STOX2: variants seen among roughly 807,000 people sequenced by gnomAD.
The protein encoded by STOX2 is storkhead-box protein 2.
In STOX2, 28 loss-of-function variants were observed where a neutral mutation model predicts 60.9. The observed-to-expected ratio is 0.46, with a 90% CI of 0.34 to 0.63. STOX2 has a LOEUF of 0.63. STOX2 is among the 30% of genes least tolerant of loss of function. The pLI is 0.01. For missense variants in STOX2, 1,024 were observed against 1,187.7 expected (o/e 0.86, Z 2.03); for synonymous variants, 472 against 463.9 (o/e 1.02, Z -0.22).
chr4:184,017,378 C>T lies in STOX2; in HGVS notation c.*94C>T. The T allele has an allele frequency of 7.9e-7, 1 of 1,269,940 alleles. No homozygotes were observed. Among genetic ancestry groups the T allele is most frequent in the African/African-American group, 1.5e-5 (1 of 65,968 alleles). 78.7% of individuals were successfully genotyped at this position (1,269,940 alleles called of 1,614,324 possible). A position where few individuals can be genotyped will look rare whatever the true frequency, so the allele number is the denominator to read the frequency against. ...TACATCTTTGGAAAGACAAGCATCT[C>T]AACCACAGTTTTTGTGTTTACTTAA... On this transcript the variant is annotated 3_prime_UTR_variant, in exon 4 of 4. Transcript: ENST00000308497.
At position 184,010,892 on chromosome 4, in the gene STOX2, G is replaced by A; in HGVS notation, c.2054G>A (p.Gly685Asp). 1 of 1,612,804 alleles carries A rather than the reference G, an allele frequency of 6.2e-7. No homozygotes were observed. The highest frequency in any genetic ancestry group is 1.1e-5 in the South Asian group (1 of 90,846). Residue 685 changes from glycine (G) to aspartate (D), a missense_variant, in exon 3 of 4, where the codon GGT becomes GAT. Gly to Asp is a moderately conservative substitution (Grantham distance 94, BLOSUM62 -1). This residue lies in a region of STOX2 where 922 missense variants were observed against 1,058.3 expected (regional missense o/e 0.87). Transcript: ENST00000308497. The surrounding 1 kb of genome is among the most constrained non-coding windows in gnomAD (Gnocchi z 4.5). The stretch of plus-strand genomic sequence containing the variant: ...AACGGACGCCTCGTCCAGCACCATG[G>A]TGCCGAGCCCAGCAGCTTGGACAAG... ...IANGRLVQHHGAEPSSLDKRK... is the reference protein window; with the variant it reads ...IANGRLVQHHDAEPSSLDKRK...
Position 184,022,972 on chromosome 4 carries a change from A to G in STOX2, c.*5688A>G, listed in dbSNP as rs1331877898. 1 of 152,236 alleles carries G rather than the reference A, an allele frequency of 6.6e-6. No individual in the cohort carries two copies. Among genetic ancestry groups the G allele is most frequent in the Non-Finnish European group, 1.5e-5 (1 of 68,050 alleles). The allele number at this position is 152,236 out of a possible 1,614,324, so 9.4% of individuals were successfully genotyped here. Reference sequence around the variant, plus strand: ...AGTTGACACAGATACTACGTTCTAGAAGAGAATTAAATTTAAACGTCAAGT... The same window carrying G: ...AGTTGACACAGATACTACGTTCTAGGAGAGAATTAAATTTAAACGTCAAGT... On this transcript the variant is annotated 3_prime_UTR_variant, in exon 4 of 4. Coordinates refer to ENST00000308497, the MANE Select transcript of STOX2 (RefSeq NM_020225.3).
At chr4:184,002,647 G>T (rs182645152) in intron 2 of STOX2, among the ~76,000 whole-genome samples, 58 of 152,330 alleles carry the variant, frequency 3.8e-4, no homozygotes, top group Non-Finnish European at 7.6e-4. Flanking sequence ...CAAGCCCATG[G>T]CACGAAGGCT....
At chr4:183,850,723 C>T (rs568077198) in intron 1 of STOX2, among the ~76,000 whole-genome samples, 8 of 152,060 alleles carry the variant, frequency 5.3e-5, no homozygotes, top group East Asian at 1.9e-4. Context: ...AGTGAGACTC[C>T]GTCTCAAGAA....
At chr4:183,888,433 C>A (rs1230627649) in intron 1 of STOX2, among the ~76,000 whole-genome samples, 1 of 152,146 alleles carries the variant, frequency 6.6e-6, no homozygotes, top group Admixed American at 6.5e-5. Context: ...GCGCACTTTA[C>A]CTAGGCAGGC....
upstream of STOX2, among the ~76,000 whole-genome samples, chr4:183,901,933 T>A (rs1251414640): frequency 6.6e-6 from 1 of 152,236 alleles, no homozygotes; most frequent in Non-Finnish European, 1.5e-5. Flanking sequence ...TTTTAAAAAT[T>A]TCATGAAGTC....
intron 1 of STOX2, among the ~76,000 whole-genome samples, chr4:183,898,735 T>G (rs1741396824): frequency 6.6e-6 from 1 of 151,702 alleles, no homozygotes; most frequent in Non-Finnish European, 1.5e-5. Context: ...AGGGAAGAGT[T>G]TTAAGGGGAG....
At chr4:183,973,269 A>G (rs1199539301) in intron 1 of STOX2, among the ~76,000 whole-genome samples, 1 of 152,222 alleles carries the variant, frequency 6.6e-6, no homozygotes, top group African/African-American at 2.4e-5. Flanking sequence ...GCATGCCCTG[A>G]CACATCATAA....
In STOX2 at chr4:183,892,427, C is replaced by T. The variant is rs184112087; in HGVS notation, c.364+94372C>T. On this transcript the variant is annotated intron_variant, in intron 1 of 2. Coordinates refer to the STOX2 transcript ENST00000513034. ...CCGAGTAGCTGGGACTATGGGCGCC[C>T]GCCACCACGCCCGGCTAATTTTTTT... Among the ~76,000 whole-genome samples, 37 of 152,146 alleles carry T rather than the reference C, an allele frequency of 2.4e-4. 1 individual carries two copies. In the East Asian group the frequency reaches 2.9e-3, roughly 12 times the overall value.
At chr4:183,883,444 C>T (rs934413842) in intron 1 of STOX2, among the ~76,000 whole-genome samples, 2 of 151,816 alleles carry the variant, frequency 1.3e-5, no homozygotes, top group African/African-American at 4.8e-5. Flanking sequence ...CACGGCCTCC[C>T]GAGTAGCTGG....
rs1207290127 is a variant in STOX2 at position 183,906,658 on chromosome 4, C to G, written c.-133C>G. ...CCGGACCCGCCGCTGGCGGTGTAGA[C>G]GCCGACGAGGAGGGGCTGGGAAAAT... On this transcript the variant is annotated 5_prime_UTR_variant, in exon 1 of 4. Transcript: ENST00000308497. 1 of 1,026,632 alleles carries G rather than the reference C, an allele frequency of 9.7e-7. No individual in the cohort carries two copies. The highest frequency in any genetic ancestry group is 1.4e-6 in the Non-Finnish European group (1 of 734,362). 63.6% of individuals were successfully genotyped at this position (1,026,632 alleles called of 1,614,324 possible). A position where few individuals can be genotyped will look rare whatever the true frequency, so the allele number is the denominator to read the frequency against.
At position 183,924,405 on chromosome 4, in the gene STOX2, C is replaced by T. The variant is rs149851294; in HGVS notation, c.166+17449C>T. 5.1e-3 allele frequency among the ~76,000 whole-genome samples: 769 copies of T among 152,078 alleles called. 20 individuals are homozygous for T. The highest frequency in any genetic ancestry group is 0.036 in the Admixed American group (548 of 15,282). On this transcript the variant is annotated intron_variant, in intron 1 of 3. Coordinates refer to ENST00000308497, the MANE Select transcript of STOX2 (RefSeq NM_020225.3). ...GACTTCTGAGGAGGCACAGGAGCCC[C>T]GTGTCTGCCCTTGGAGGGGCAGGCA...
At chr4:183,971,954 C>A (rs1743754763) in intron 1 of STOX2, among the ~76,000 whole-genome samples, 1 of 152,176 alleles carries the variant, frequency 6.6e-6, no homozygotes, top group Admixed American at 6.5e-5. Context: ...GGCATAGACT[C>A]CGAGGTAGCC....
intron 1 of STOX2, among the ~76,000 whole-genome samples, chr4:183,808,640 C>T (rs1258706420): frequency 1.3e-5 from 2 of 152,180 alleles, no homozygotes; most frequent in Admixed American, 1.3e-4. Context: ...AAAACAAAAG[C>T]AGTACTTTAG....
chr4:183,919,419 C>T lies in STOX2; in HGVS notation c.166+12463C>T, dbSNP rs111565510. On this transcript the variant is annotated intron_variant, in intron 1 of 3. Transcript: ENST00000308497. Reference sequence around the variant, plus strand: ...GAGGTGGGGTTTATGGTTCCGCAGTCGTGGAGTCAGGCCCCGCCGGGAGGT... The same window carrying T: ...GAGGTGGGGTTTATGGTTCCGCAGTTGTGGAGTCAGGCCCCGCCGGGAGGT... 4.6e-5 allele frequency among the ~76,000 whole-genome samples: 7 copies of T among 152,214 alleles called. No homozygotes were observed. In the East Asian group the frequency reaches 5.8e-4, roughly 13 times the overall value.
At chr4:183,913,072 C>T (rs866417731) in intron 1 of STOX2, among the ~76,000 whole-genome samples, 5 of 152,134 alleles carry the variant, frequency 3.3e-5, no homozygotes, top group African/African-American at 1.2e-4. Flanking sequence ...AAGGACGTTG[C>T]TTAGAAAAGG....
At chr4:183,987,349 G>A (rs1732889542) in intron 1 of STOX2, among the ~76,000 whole-genome samples, 1 of 152,178 alleles carries the variant, frequency 6.6e-6, no homozygotes, top group African/African-American at 2.4e-5. Context: ...CTGTGTGTGT[G>A]TGTGTGTCGG....
At chr4:184,003,718 A>G (rs10026836) in intron 2 of STOX2, among the ~76,000 whole-genome samples, 4,458 of 152,336 alleles carry the variant, frequency 0.029, 213 homozygotes, top group African/African-American at 0.1. Flanking sequence ...AGTAGTAGCA[A>G]TGGAGGTCAT....
chr4:183,813,644 T>C (rs1394280543), intron 1 of STOX2, among the ~76,000 whole-genome samples: 1 of 152,176 alleles, frequency 6.6e-6, no homozygotes, highest in African/African-American at 2.4e-5. Context: ...TCCCATTAGA[T>C]TGTAATTCCT....
Sources: gnomAD v4.1 joint callset for allele counts (sites outside exome capture counted in the v4.1 genomes callset) on GRCh38, gnomAD v4.1.1 for gene constraint, gnomAD v4.1.1 regional missense constraint, Gnocchi (gnomAD v3.1) non-coding constraint, MANE v1.5 for transcripts, NCBI Gene and HGNC (gene_info 2026-07-23, HGNC 2026-07-21) for gene names.